Variants in FSD1L observed in about 807,000 individuals in gnomAD.
FSD1L encodes FSD1-like protein.
Under a neutral mutation model 71.6 loss-of-function variants are expected in FSD1L, and 45 were observed. The ratio of observed to expected loss-of-function variants is 0.63; its 90% CI spans 0.49 to 0.81. FSD1L has a LOEUF of 0.81. Among genes scored for constraint, FSD1L ranks in the 30% least tolerant of loss-of-function variants. The probability of loss-of-function intolerance (pLI) is 0.00; values close to 1 mark genes in which losing one functional copy is unlikely to be tolerated. For missense variants in FSD1L, 561 were observed against 618.1 expected (o/e 0.91, Z 0.98); for synonymous variants, 197 against 207.2 (o/e 0.95, Z 0.42).
At chr9:105,534,086 GTTA>G (rs1166321904) in intron 10 of FSD1L, among the ~76,000 whole-genome samples, 1 of 152,158 alleles carries the variant, frequency 6.6e-6, no homozygotes, top group Admixed American at 6.5e-5. Context: ...TATAAAAAGA[GTTA>G]TTTAGTCAGG....
In FSD1L at chr9:105,472,004, A is replaced by T; in HGVS notation, c.440A>T (p.Lys147Met). Residue 147 changes from lysine to methionine, a missense_variant and splice_region_variant, in exon 5 of 14, where the codon AAG becomes ATG. Coordinates refer to ENST00000481272, the MANE Select transcript of FSD1L (RefSeq NM_001145313.3). Reference sequence around the variant, plus strand: ...ATAAAGGAACCTGAAGAATTTTCAAAGGTACACAAAAACTGCATTAATACA... The same window carrying T: ...ATAAAGGAACCTGAAGAATTTTCAATGGTACACAAAAACTGCATTAATACA... ...LDIKEPEEFS[K>M]AARQIKDRVT... is the part of the protein sequence containing the mutation. 1 of 1,429,896 alleles carries T rather than the reference A, an allele frequency of 7.0e-7. No homozygotes were observed. Among genetic ancestry groups the T allele is most frequent in the Non-Finnish European group, 9.2e-7 (1 of 1,090,576 alleles). 88.6% of individuals were successfully genotyped at this position (1,429,896 alleles called of 1,614,324 possible).
rs751066944 is a variant in FSD1L, at chr9:105,543,245, TAAAC to T, written c.1468-3110_1468-3107del. Among the ~76,000 whole-genome samples, 40 of 152,256 alleles carry T rather than the reference TAAAC, an allele frequency of 2.6e-4. 1 individual carries two copies. Among genetic ancestry groups the T allele is most frequent in the South Asian group, 2.1e-4 (1 of 4,822 alleles). On this transcript the variant is annotated intron_variant, in intron 13 of 13. Coordinates refer to ENST00000481272, the MANE Select transcript of FSD1L (RefSeq NM_001145313.3). ...GGGTATAATTGAAGGTGATGATACT[TAAAC>T]AACTTCTAGAATTTCCCTTGCTTTA...
intron 7 of FSD1L, among the ~76,000 whole-genome samples, chr9:105,497,948 A>T (rs1390013279): frequency 6.6e-6 from 1 of 152,018 alleles, no homozygotes; most frequent in Non-Finnish European, 1.5e-5. Flanking sequence ...GGCTCAAGGG[A>T]TCTTCCTGCC....
chr9:105,482,684 A>T (rs990025861), intron 6 of FSD1L, among the ~76,000 whole-genome samples: 1 of 152,190 alleles, frequency 6.6e-6, no homozygotes, highest in African/African-American at 2.4e-5. Flanking sequence ...AAATTGATTC[A>T]TGGAAACTTA....
At chr9:105,521,601 C>T in intron 10 of FSD1L, 1 of 1,613,212 alleles carries the variant, frequency 6.2e-7, no homozygotes, top group Non-Finnish European at 8.5e-7. Context: ...TTTGTTCATG[C>T]AAGAGCCTGA....
chr9:105,526,268 A>G lies in FSD1L; in HGVS notation c.1026-8225A>G, dbSNP rs1835502629. On this transcript the variant is annotated intron_variant, in intron 10 of 13. Transcript: ENST00000481272. ...CGATACCTGCAAACAATTGTCCAGC[A>G]CCACTTAGAACCAACAACATTTGAA... The G allele has an allele frequency of 1.9e-6, 3 of 1,603,432 alleles. No individual in the cohort carries two copies. The East Asian group carries it at 6.7e-5, about 36-fold the overall frequency.
At chr9:105,513,642 A>G (rs1253826648) in intron 10 of FSD1L, 8 of 1,527,806 alleles carry the variant, frequency 5.2e-6, no homozygotes, top group South Asian at 1.2e-5. Flanking sequence ...GTGATGATCT[A>G]TGTCTGTCTA....
chr9:105,542,846 T>G (rs1589116414), intron 13 of FSD1L, among the ~76,000 whole-genome samples: 2 of 152,226 alleles, frequency 1.3e-5, no homozygotes, highest in Non-Finnish European at 2.9e-5. Flanking sequence ...TGGTTTGCAT[T>G]TTCATTTTCT....
chr9:105,454,338 C>A (rs910343442), intron 1 of FSD1L, among the ~76,000 whole-genome samples: 11 of 152,246 alleles, frequency 7.2e-5, no homozygotes, highest in Admixed American at 6.5e-4. Context: ...GCATGTTTTA[C>A]AGTACCCTTT....
rs531844161 is a variant in FSD1L, at chr9:105,525,086, A to G, written c.1026-9407A>G. The G allele has an allele frequency of 6.7e-4, 1,046 of 1,564,488 alleles. 9 individuals carry two copies. In the African/African-American group the frequency reaches 0.012, roughly 18 times the overall value. On this transcript the variant is annotated intron_variant, in intron 10 of 13. Transcript: ENST00000481272. Reference sequence around the variant, plus strand: ...TGGAAAATATTCATGGGATTCTGCTATACTGTATGGCCCACCTCCTGTAAG... The same window carrying G: ...TGGAAAATATTCATGGGATTCTGCTGTACTGTATGGCCCACCTCCTGTAAG...
intron 10 of FSD1L, chr9:105,520,416 A>G (rs1835069919): frequency 9.1e-7 from 1 of 1,095,768 alleles, no homozygotes; most frequent in South Asian, 1.3e-5. Context: ...TTTTACATAT[A>G]TACTATGTGT....
intron 12 of FSD1L, among the ~76,000 whole-genome samples, chr9:105,537,306 A>G (rs1024658617): frequency 3.3e-5 from 5 of 152,342 alleles, no homozygotes; most frequent in Middle Eastern, 3.4e-3. Flanking sequence ...AAAAAAGGAG[A>G]AAAAGTAATT....
rs112259622 is a variant in FSD1L, at chr9:105,469,822, A to C, written c.339+1498A>C. Among the ~76,000 whole-genome samples the C allele has an allele frequency of 6.3e-3, 956 of 151,542 alleles. 14 individuals carry two copies. The highest frequency in any genetic ancestry group is 0.022 in the African/African-American group (907 of 41,284). On this transcript the variant is annotated intron_variant, in intron 4 of 13. Coordinates refer to ENST00000481272, the MANE Select transcript of FSD1L (RefSeq NM_001145313.3). ...TTTGTCTATTTTTGCTTTCATTGTC[A>C]TATCCAGGAAATCATTGACAAATAC...
intron 10 of FSD1L, among the ~76,000 whole-genome samples, chr9:105,532,378 T>C (rs1006423964): frequency 6.6e-6 from 1 of 152,236 alleles, no homozygotes; most frequent in Non-Finnish European, 1.5e-5. Flanking sequence ...AGTTTTACTT[T>C]CTTACTATAC....
intron 10 of FSD1L, chr9:105,520,973 G>A (rs891849432): frequency 3.7e-6 from 6 of 1,611,624 alleles, no homozygotes; most frequent in African/African-American, 1.3e-5. Context: ...TTTCATTTTT[G>A]TTTTCACATT....
rs987504231 is a variant in FSD1L, at chr9:105,462,824, C to T, written c.111+1209C>T. 4.8e-4 allele frequency among the ~76,000 whole-genome samples: 7 copies of T among 14,542 alleles called. No homozygotes were observed. In the East Asian group the frequency reaches 0.2, roughly 415 times the overall value. The allele number at this position is 14,542 out of a possible 152,430, so 9.5% of individuals were successfully genotyped here. ...GTGGCACATGCTTTTTTCACTACTA[C>T]AATACTTTATATGAACATTTGTATA... On this transcript the variant is annotated intron_variant, in intron 2 of 13. Transcript: ENST00000481272.
At chr9:105,456,157 C>G (rs182062892) in intron 1 of FSD1L, among the ~76,000 whole-genome samples, 1 of 152,298 alleles carries the variant, frequency 6.6e-6, no homozygotes, top group East Asian at 1.9e-4. Context: ...TTTAGCCGTT[C>G]TGACCTTTTC....
At position 105,546,810 on chromosome 9, in the gene FSD1L, A is replaced by C. The variant is rs1837033319; in HGVS notation, c.*327A>C. On this transcript the variant is annotated 3_prime_UTR_variant, in exon 14 of 14. Transcript: ENST00000481272. ...TGTTTAATTACATATGGTAACCCTAAGGCCTGGGGAGAAAAGCTTTTAAAT... is the reference window on the plus strand; with the variant it reads ...TGTTTAATTACATATGGTAACCCTACGGCCTGGGGAGAAAAGCTTTTAAAT... 2 of 160,302 alleles carry C rather than the reference A, an allele frequency of 1.2e-5. No homozygotes were observed. Among genetic ancestry groups the C allele is most frequent in the Admixed American group, 6.4e-5 (1 of 15,582 alleles). 9.9% of individuals were successfully genotyped at this position (160,302 alleles called of 1,614,324 possible).
intron 6 of FSD1L, among the ~76,000 whole-genome samples, chr9:105,481,542 C>T (rs371539315): frequency 2.0e-5 from 3 of 151,850 alleles, no homozygotes; most frequent in South Asian, 2.1e-4. Context: ...CTGCCCACTT[C>T]GGCCTCCCAA....
Sources: gnomAD v4.1 joint callset for allele counts (sites outside exome capture counted in the v4.1 genomes callset) on GRCh38, gnomAD v4.1.1 for gene constraint, MANE v1.5 for transcripts, NCBI Gene and HGNC (gene_info 2026-07-23, HGNC 2026-07-21) for gene names.